Variants in CLASRP observed in about 807,000 individuals in gnomAD.
The protein encoded by CLASRP is CLK4 associating serine/arginine rich protein, also known as CLK4-associating serine/arginine rich protein.
Under a neutral mutation model 99.9 loss-of-function variants are expected in CLASRP, and 52 were observed. The ratio of observed to expected loss-of-function variants is 0.52; its 90% CI spans 0.42 to 0.66. The LOEUF is 0.66. Ranked by LOEUF, CLASRP falls within the 30% of genes least tolerant of loss-of-function variation. The pLI, the probability that CLASRP is intolerant of heterozygous loss-of-function variation, is 0.00. For missense variants in CLASRP, 848 were observed against 999.2 expected, an observed-to-expected ratio of 0.85 and a Z score of 2.04; for synonymous variants, 379 against 373.0, an observed-to-expected ratio of 1.02 and a Z score of -0.18.
Position 45,069,226 on chromosome 19 carries a change from A to C in CLASRP, c.1852A>C (p.Met618Leu). The C allele has an allele frequency of 6.2e-7, 1 of 1,613,852 alleles. No individual in the cohort carries two copies. Among genetic ancestry groups the C allele is most frequent in the Non-Finnish European group, 8.5e-7 (1 of 1,180,014 alleles). ...GGAGCGGGAAGACGAGCTTCGAGCC[A>C]TGGCCCGCAAGATCCGCATGAAGTA... is the stretch of plus-strand genomic sequence containing the variant. ...RQEREDELRA[M>L]ARKIRMKERE... Residue 618 changes from methionine (M) to leucine (L), a missense_variant, in exon 18 of 21, where the codon ATG becomes CTG. By Grantham distance (15) the Met-to-Leu change is conservative. Coordinates refer to ENST00000221455, the MANE Select transcript of CLASRP (RefSeq NM_007056.3).
rs751263482 is a variant in CLASRP at position 45,052,097 on chromosome 19, G to A, written c.126G>A (p.Gln42=). 3 of 1,613,948 alleles carry A rather than the reference G, an allele frequency of 1.9e-6. No homozygotes were observed. Among genetic ancestry groups the A allele is most frequent in the Non-Finnish European group, 2.5e-6 (3 of 1,180,034 alleles). The change falls in exon 3 of 21, where the codon CAG becomes CAA. Residue 42 remains glutamine (Q), a synonymous_variant. Transcript: ENST00000221455. ...KIKKDPAQFL[Q]VHGRACKVHL... ...AGAAGGACCCAGCCCAGTTCCTGCA[G>A]GTACATGGCCGAGCTTGCAAGGTGC...
intron 5 of CLASRP, among the ~76,000 whole-genome samples, chr19:45,053,567 C>T (rs890754231): frequency 1.1e-4 from 16 of 152,124 alleles, no homozygotes; most frequent in African/African-American, 3.6e-4. Context: ...CAACCTCTGC[C>T]TCCTGGGTTC....
chr19:45,063,434 A>ATTTTTTTTTTTTTTTT (rs1600110419), intron 11 of CLASRP, among the ~76,000 whole-genome samples: 5 of 54,954 alleles, frequency 9.1e-5, no homozygotes, highest in Non-Finnish European at 2.0e-4. Flanking sequence ...AGATCTGCTT[A>ATTTTTTTTTTTTTTTT]TCTTTTTTTT....
At chr19:45,065,079 G>A (rs928011688) in intron 13 of CLASRP, among the ~76,000 whole-genome samples, 3 of 152,042 alleles carry the variant, frequency 2.0e-5, no homozygotes, top group African/African-American at 4.8e-5. Flanking sequence ...ATGGGGAAGC[G>A]AAGCGGGTGG....
At chr19:45,045,141 G>C (rs1971891709) in intron 2 of CLASRP, among the ~76,000 whole-genome samples, 1 of 152,204 alleles carries the variant, frequency 6.6e-6, no homozygotes. Context: ...GGTCTAAGAG[G>C]CTCTGGCCAT....
chr19:45,068,530 G>A, intron 16 of CLASRP, 50 bp downstream of exon 16: 2 of 1,366,392 alleles, frequency 1.5e-6, no homozygotes, highest in Non-Finnish European at 2.1e-6. Context: ...CTTTCCCTTG[G>A]CAGTGGGAGC....
At chr19:45,052,524 G>T (rs540184489) in intron 3 of CLASRP, among the ~76,000 whole-genome samples, 1 of 152,226 alleles carries the variant, frequency 6.6e-6, no homozygotes, top group East Asian at 1.9e-4. Flanking sequence ...CCCCACTATT[G>T]CTTGGTTGTG....
chr19:45,067,710 G>A lies in CLASRP; in HGVS notation c.1667+116G>A, dbSNP rs1347669682. ...TACCCTGGGAGGTCTGGGGGGTGGTGTATGGCCCTGGCCTGGGAGGGTGGA... is the reference window on the plus strand; with the variant it reads ...TACCCTGGGAGGTCTGGGGGGTGGTATATGGCCCTGGCCTGGGAGGGTGGA... On this transcript the variant is annotated intron_variant, in intron 14 of 20. Transcript: ENST00000221455. This position sits in a 1 kb window ranked among gnomAD's most constrained non-coding sequence, Gnocchi z 4.9. The A allele has an allele frequency of 7.0e-6, 7 of 1,002,614 alleles. No individual in the cohort carries two copies. The highest frequency in any genetic ancestry group is 2.5e-5 in the Admixed American group (1 of 39,682). The allele number at this position is 1,002,614 out of a possible 1,614,324, so 62.1% of individuals were successfully genotyped here.
At chr19:45,055,825 C>T (rs1304343504) in intron 5 of CLASRP, among the ~76,000 whole-genome samples, 4 of 152,046 alleles carry the variant, frequency 2.6e-5, no homozygotes, top group African/African-American at 9.7e-5. Context: ...AAGAGTGAAA[C>T]TCTGTCTTAA....
At chr19:45,043,009 C>T (rs1308270460) in intron 2 of CLASRP, among the ~76,000 whole-genome samples, 3 of 152,140 alleles carry the variant, frequency 2.0e-5, no homozygotes, top group Admixed American at 6.6e-5. Flanking sequence ...AACTTTGTTT[C>T]ATGCACAAAA....
chr19:45,041,237 A>G (rs1370495767), intron 2 of CLASRP, among the ~76,000 whole-genome samples: 1 of 151,962 alleles, frequency 6.6e-6, no homozygotes, highest in Non-Finnish European at 1.5e-5. Context: ...CAAAAAAAAA[A>G]AAAAAAAGAC....
Position 45,067,918 on chromosome 19 carries a change from G to T in CLASRP, c.1668-97G>T. On this transcript the variant is annotated intron_variant, in intron 14 of 20. Transcript: ENST00000221455. The surrounding 1 kb of genome is among the most constrained non-coding windows in gnomAD (Gnocchi z 4.9). The stretch of plus-strand genomic sequence containing the variant: ...CTGGGGCATCTGAGGCCCATGCCTT[G>T]GCTACCTGGTCTGAGGGCAGTGCTG... 1.1e-6 allele frequency: 1 copy of T among 931,096 alleles called. No homozygotes were observed. The highest frequency in any genetic ancestry group is 1.8e-6 in the Non-Finnish European group (1 of 563,266). 57.7% of individuals were successfully genotyped at this position (931,096 alleles called of 1,614,324 possible).
intron 2 of CLASRP, among the ~76,000 whole-genome samples, chr19:45,050,978 C>G (rs1600099310): frequency 1.3e-5 from 2 of 152,052 alleles, no homozygotes; most frequent in East Asian, 3.9e-4. Flanking sequence ...CTCGGCCTCC[C>G]AAAGTGCTGG....
chr19:45,047,411 C>CAAAAAAAAAAAAAA lies in CLASRP; in HGVS notation c.100-4653_100-4640dup, dbSNP rs35621559. 2 of 84,414 alleles carry CAAAAAAAAAAAAAA rather than the reference C, an allele frequency of 2.4e-5. 1 individual carries two copies. The highest frequency in any genetic ancestry group is 1.0e-4 in the African/African-American group (2 of 19,436). The allele number at this position is 84,414 out of a possible 1,614,324, so 5.2% of individuals were successfully genotyped here. On this transcript the variant is annotated intron_variant, in intron 2 of 20. Transcript: ENST00000221455. ...TGGGTGACAGAGCAAGACTCCATCT[C>CAAAAAAAAAAAAAA]AAAAAAAAAAAAAAAAAAAACAGAG...
chr19:45,069,180 C>T (rs1967174315), intron 17 of CLASRP, 22 bp from the exon 18 acceptor site: 6 of 1,614,030 alleles, frequency 3.7e-6, no homozygotes, highest in Non-Finnish European at 5.1e-6. Flanking sequence ...TGGCCACGTC[C>T]TCATAGCCCT....
intron 16 of CLASRP, among the ~76,000 whole-genome samples, 159 bp from the exon 17 acceptor site, chr19:45,068,907 G>C (rs1021665589): frequency 2.0e-5 from 3 of 151,648 alleles, no homozygotes; most frequent in Non-Finnish European, 2.9e-5. Flanking sequence ...AGGAGATGGC[G>C]CGAACCCGGG....
intron 15 of CLASRP, 58 bp downstream of exon 15, chr19:45,068,112 C>T (rs1838132169): frequency 6.4e-7 from 1 of 1,556,648 alleles, no homozygotes; most frequent in South Asian, 1.1e-5. Context: ...TGCCCAAGAG[C>T]TGGGCCCGGT....
At position 45,067,982 on chromosome 19, in the gene CLASRP, C is replaced by T; in HGVS notation, c.1668-33C>T. 1 of 1,570,690 alleles carries T rather than the reference C, an allele frequency of 6.4e-7. No individual in the cohort carries two copies. Among genetic ancestry groups the T allele is most frequent in the Non-Finnish European group, 8.8e-7 (1 of 1,140,498 alleles). ...AGGTGGCAGCTGCCCTTTCCCCCTC[C>T]CAACCATGTCCTCTGGCCCTGCCCC... On this transcript the variant is annotated intron_variant, in intron 14 of 20. Transcript: ENST00000221455. The surrounding 1 kb of genome is among the most constrained non-coding windows in gnomAD (Gnocchi z 4.9).
At position 45,070,786 on chromosome 19, in the gene CLASRP, TC is replaced by T; in HGVS notation, c.1983-14del. On this transcript the variant is annotated splice_polypyrimidine_tract_variant and intron_variant, in intron 20 of 20. Coordinates refer to ENST00000221455, the MANE Select transcript of CLASRP (RefSeq NM_007056.3). ...GTGTATGCCCCATCCTCACGGCCCC[TC>T]CCTTTCTCTTTCCAGGCGCTCAAGG... 6.4e-7 allele frequency: 1 copy of T among 1,574,030 alleles called. No homozygotes were observed. Among genetic ancestry groups the T allele is most frequent in the Non-Finnish European group, 8.6e-7 (1 of 1,156,638 alleles).
Sources: gnomAD v4.1 joint callset for allele counts (sites outside exome capture counted in the v4.1 genomes callset) on GRCh38, gnomAD v4.1.1 for gene constraint, Gnocchi (gnomAD v3.1) non-coding constraint, MANE v1.5 for transcripts, NCBI Gene and HGNC (gene_info 2026-07-23, HGNC 2026-07-21) for gene names.